SEMA3A: variants seen among roughly 807,000 people sequenced by gnomAD.
SEMA3A encodes the protein semaphorin-3A.
SEMA3A carries 29 observed loss-of-function variants against 97.9 expected under a neutral mutation model. The observed-to-expected ratio is 0.30, with a 90% confidence interval of 0.22 to 0.40. The LOEUF (loss-of-function observed/expected upper bound fraction) is 0.40. Among genes scored for constraint, SEMA3A ranks in the 10% least tolerant of loss-of-function variants. SEMA3A has a pLI of 1.00. For missense variants in SEMA3A, 763 were observed against 951.3 expected, an observed-to-expected ratio of 0.80 and a Z score of 2.60; for synonymous variants, 321 against 323.7, an observed-to-expected ratio of 0.99 and a Z score of 0.09.
rs963848193 is a variant in SEMA3A, at chr7:84,345,107, A to C, written c.-169+26717T>G. Among the ~76,000 whole-genome samples, 4 of 152,184 alleles carry C rather than the reference A, an allele frequency of 2.6e-5. No homozygotes were observed. The East Asian group carries it at 7.7e-4, about 29-fold the overall frequency. ...ACCACTGCAATAGAGCAAATATCTC[A>C]ATAGAGCAAGTCACAGGAGCTCTTT... is the stretch of plus-strand genomic sequence containing the variant. On this transcript the variant is annotated intron_variant, in intron 2 of 3. Transcript: ENST00000424555.
chr7:84,419,327 T>C (rs181922226), intron 1 of SEMA3A, among the ~76,000 whole-genome samples: 214 of 152,256 alleles, frequency 1.4e-3, no homozygotes, highest in African/African-American at 4.5e-3. Context: ...GTTTTTGTTA[T>C]AGAAGCACAA....
In SEMA3A at chr7:84,001,712, A is replaced by G. The variant is rs10249721; in HGVS notation, c.1452+243T>C. Among the ~76,000 whole-genome samples, 35,368 of 151,652 alleles carry G rather than the reference A, an allele frequency of 0.23. 4,338 individuals are homozygous for G. Among genetic ancestry groups the G allele is most frequent in the Middle Eastern group, 0.37 (109 of 292 alleles). On this transcript the variant is annotated intron_variant, in intron 12 of 16. Coordinates refer to ENST00000265362, the MANE Select transcript of SEMA3A (RefSeq NM_006080.3). The stretch of plus-strand genomic sequence containing the variant: ...ATAAAATGTAATATAAAATGTAAAT[A>G]ATATATTTTATCATTGAGAAAACAA...
intron 3 of SEMA3A, among the ~76,000 whole-genome samples, chr7:84,268,083 G>A (rs1031832748): frequency 1.2e-4 from 18 of 151,970 alleles, no homozygotes; most frequent in Admixed American, 7.2e-4. Context: ...CTATTGAAGG[G>A]ACTAATTGAA....
chr7:84,266,797 A>C (rs1420240211), intron 3 of SEMA3A, among the ~76,000 whole-genome samples: 1 of 152,130 alleles, frequency 6.6e-6, no homozygotes, highest in Non-Finnish European at 1.5e-5. Context: ...CTTATTGAGA[A>C]TATTTACAAC....
intron 4 of SEMA3A, among the ~76,000 whole-genome samples, chr7:84,104,206 T>A (rs1451618708): frequency 1.3e-5 from 2 of 152,134 alleles, no homozygotes; most frequent in African/African-American, 4.8e-5. Flanking sequence ...CGGCAGCACA[T>A]ACACTAAAAA....
At chr7:84,070,006 C>T (rs530022211) in intron 4 of SEMA3A, among the ~76,000 whole-genome samples, 1 of 152,198 alleles carries the variant, frequency 6.6e-6, no homozygotes, top group South Asian at 2.1e-4. Flanking sequence ...GATTGCTACC[C>T]AGTGGATTTC....
intron 2 of SEMA3A, among the ~76,000 whole-genome samples, chr7:84,354,414 C>A (rs904354778): frequency 4.0e-5 from 6 of 151,616 alleles, no homozygotes; most frequent in Middle Eastern, 3.4e-3. Context: ...TGGTATGAAT[C>A]TGTATTATTT....
At chr7:84,408,667 G>A (rs868493217) in intron 1 of SEMA3A, among the ~76,000 whole-genome samples, 27 of 151,516 alleles carry the variant, frequency 1.8e-4, no homozygotes, top group African/African-American at 6.6e-4. Flanking sequence ...TGATAGAGTG[G>A]ATTAAGAAAA....
rs1792079720 is a variant in SEMA3A, at chr7:84,040,032, G to T, written c.667+6292C>A. Among the ~76,000 whole-genome samples, 8 of 151,982 alleles carry T rather than the reference G, an allele frequency of 5.3e-5. No homozygotes were observed. In the South Asian group the frequency reaches 1.7e-3, roughly 32 times the overall value. ...ACACATATTTTATCAACATGGAAAGGCAGGTTATTTTGGAACTTTAAAAAA... is the reference window on the plus strand; with the variant it reads ...ACACATATTTTATCAACATGGAAAGTCAGGTTATTTTGGAACTTTAAAAAA... On this transcript the variant is annotated intron_variant, in intron 6 of 16. Transcript: ENST00000265362.
At chr7:84,421,774 T>C (rs923327410) in intron 1 of SEMA3A, among the ~76,000 whole-genome samples, 11 of 152,050 alleles carry the variant, frequency 7.2e-5, no homozygotes, top group African/African-American at 2.7e-4. Context: ...ATTCAGATAA[T>C]CATGTGGTTT....
chr7:84,291,580 C>T (rs968376042), intron 3 of SEMA3A, among the ~76,000 whole-genome samples: 2 of 152,148 alleles, frequency 1.3e-5, no homozygotes, highest in East Asian at 3.9e-4. Context: ...TTGAACATTT[C>T]CATTTGGAAA....
chr7:84,157,840 T>C (rs1308049692), intron 1 of SEMA3A, among the ~76,000 whole-genome samples: 1 of 152,182 alleles, frequency 6.6e-6, no homozygotes, highest in Non-Finnish European at 1.5e-5. Context: ...CAGCACTCAA[T>C]GTATTCCACT....
intron 6 of SEMA3A, among the ~76,000 whole-genome samples, chr7:84,021,046 T>C (rs1421217184): frequency 1.3e-5 from 2 of 152,206 alleles, no homozygotes; most frequent in Non-Finnish European, 2.9e-5. Context: ...TGGATCAATA[T>C]ATATACTTGA....
At chr7:84,112,224 G>A (rs1795294790) in intron 3 of SEMA3A, among the ~76,000 whole-genome samples, 1 of 152,178 alleles carries the variant, frequency 6.6e-6, no homozygotes, top group African/African-American at 2.4e-5. Context: ...TATCATCTCT[G>A]ATTGTGGGCT....
intron 4 of SEMA3A, among the ~76,000 whole-genome samples, chr7:84,085,128 A>G (rs1794290429): frequency 6.6e-6 from 1 of 152,134 alleles, no homozygotes; most frequent in South Asian, 2.1e-4. Flanking sequence ...TAAAGAGGAT[A>G]TCTATGTAAA....
intron 1 of SEMA3A, among the ~76,000 whole-genome samples, chr7:84,446,995 A>G (rs537609801): frequency 6.6e-6 from 1 of 152,302 alleles, no homozygotes; most frequent in East Asian, 1.9e-4. Flanking sequence ...AAGGCCTGGG[A>G]AAACCCCTGC....
intron 1 of SEMA3A, among the ~76,000 whole-genome samples, chr7:84,443,464 A>T (rs1048087004): frequency 6.6e-6 from 1 of 151,984 alleles, no homozygotes; most frequent in Non-Finnish European, 1.5e-5. Flanking sequence ...CATTTTTTTT[A>T]CTTTATTAAT....
intron 3 of SEMA3A, among the ~76,000 whole-genome samples, chr7:84,211,515 G>A (rs1798628345): frequency 6.6e-6 from 1 of 152,026 alleles, no homozygotes; most frequent in African/African-American, 2.4e-5. Context: ...CAGCTACTCG[G>A]GAGGCTCAGG....
chr7:84,309,572 C>A (rs1801262654), intron 2 of SEMA3A, among the ~76,000 whole-genome samples: 1 of 152,118 alleles, frequency 6.6e-6, no homozygotes, highest in Non-Finnish European at 1.5e-5. Context: ...TCTGGGCTAG[C>A]AATGGGTCAG....
Sources: allele counts gnomAD v4.1 joint callset (sites outside exome capture counted in the v4.1 genomes callset), GRCh38; gene constraint gnomAD v4.1.1; transcripts MANE v1.5; gene names NCBI Gene and HGNC (gene_info 2026-07-23, HGNC 2026-07-21).